The following DOK1 variants were observed in gnomAD, a reference collection of about 807,000 sequenced individuals.
DOK1 encodes the protein Downstream of tyrosine kinase 1.
DOK1 carries 12 observed loss-of-function variants against 24.0 expected under a neutral mutation model. The ratio of observed to expected loss-of-function variants is 0.50; its 90% CI spans 0.32 to 0.81. The LOEUF (loss-of-function observed/expected upper bound fraction) is 0.81, where lower values mean the gene tolerates loss of function less well. Ranked by LOEUF, DOK1 falls within the 30% of genes least tolerant of loss-of-function variation. DOK1 has a pLI of 0.03. For synonymous variants in DOK1, 250 were observed against 260.9 expected (o/e 0.96, Z 0.40); for missense variants, 591 against 620.7 (o/e 0.95, Z 0.51).
chr2:74,550,390 G>A (rs1368845011), upstream of DOK1: 3 of 1,591,362 alleles, frequency 1.9e-6, no homozygotes, highest in Non-Finnish European at 2.6e-6. Context: ...CTTGGGGAGG[G>A]AGGATGGGGG....
chr2:74,554,456 G>C (rs1677247394), upstream of DOK1: 1 of 487,064 alleles, frequency 2.1e-6, no homozygotes. This position sits in a 1 kb window ranked among gnomAD's most constrained non-coding sequence, Gnocchi z 4.9. Flanking sequence ...GGCATATGAC[G>C]TCACGCGCAG....
rs1184815802 is a variant in DOK1 at position 74,557,228 on chromosome 2, G to A, written c.*114G>A. 5 of 1,076,206 alleles carry A rather than the reference G, an allele frequency of 4.6e-6. No individual in the cohort carries two copies. The highest frequency in any genetic ancestry group is 6.6e-6 in the Non-Finnish European group (5 of 761,880). 66.7% of individuals were successfully genotyped at this position (1,076,206 alleles called of 1,614,324 possible). ...GAGGGTGGGAGGGGCCATGCTGTGTGAGACCAGGGGACCAGAGGGATGGGA... is the reference window on the plus strand; with the variant it reads ...GAGGGTGGGAGGGGCCATGCTGTGTAAGACCAGGGGACCAGAGGGATGGGA... On this transcript the variant is annotated 3_prime_UTR_variant, in exon 5 of 5. Coordinates refer to ENST00000233668, the MANE Select transcript of DOK1 (RefSeq NM_001381.5).
Position 74,549,323 on chromosome 2 carries a change from G to C in DOK1, c.-358+151G>C. 1 of 1,513,354 alleles carries C rather than the reference G, an allele frequency of 6.6e-7. No homozygotes were observed. Among genetic ancestry groups the C allele is most frequent in the Non-Finnish European group, 8.9e-7 (1 of 1,125,402 alleles). 93.7% of individuals were successfully genotyped at this position (1,513,354 alleles called of 1,614,324 possible). ...GTCTCCCAAGGCTATTCATCAGGGA[G>C]CACCCCAATCCCGGCCTGCTCCGCC... On this transcript the variant is annotated intron_variant, in intron 1 of 4. Transcript: ENST00000409429. The surrounding 1 kb of genome is among the most constrained non-coding windows in gnomAD (Gnocchi z 5.3).
chr2:74,556,437 A>C lies in DOK1; in HGVS notation c.769A>C (p.Lys257Gln), dbSNP rs768242125. 148 of 1,614,160 alleles carry C rather than the reference A, an allele frequency of 9.2e-5. 1 individual carries two copies. The highest frequency in any genetic ancestry group is 4.5e-5 in the East Asian group (2 of 44,872). ...CATCCACCGGCAGAAGGCCCAGGGA[A>C]AGGCCGGACAGGGGCACGATGTTCT... ...TAIHRQKAQG[K>Q]AGQGHDVLRA... The change falls in exon 5 of 5, where the codon AAG becomes CAG. Residue 257 changes from lysine (K) to glutamine (Q), a missense_variant. By Grantham distance (53) the Lys-to-Gln change is moderately conservative. Coordinates refer to ENST00000233668, the MANE Select transcript of DOK1 (RefSeq NM_001381.5). This position sits in a 1 kb window ranked among gnomAD's most constrained non-coding sequence, Gnocchi z 4.1.
chr2:74,552,291 A>G (rs758841619), upstream of DOK1: 30 of 1,571,108 alleles, frequency 1.9e-5, no homozygotes, highest in Admixed American at 5.0e-4. Context: ...CACATAGGAA[A>G]TATCTAGGAT....
chr2:74,556,647 G>A lies in DOK1; in HGVS notation c.979G>A (p.Gly327Arg). 6.2e-7 allele frequency: 1 copy of A among 1,614,238 alleles called. No individual in the cohort carries two copies. The highest frequency in any genetic ancestry group is 8.5e-7 in the Non-Finnish European group (1 of 1,180,046). The change falls in exon 5 of 5, where the codon GGA (glycine) becomes AGA (arginine). Residue 327 changes from glycine to arginine, a missense_variant. By Grantham distance (125) the Gly-to-Arg change is moderately radical. Coordinates refer to ENST00000233668, the MANE Select transcript of DOK1 (RefSeq NM_001381.5). The surrounding 1 kb of genome is among the most constrained non-coding windows in gnomAD (Gnocchi z 4.1). Reference sequence around the variant, plus strand: ...CTTGGACAGCACGTCTGCTCAGGCAGGAGAGGGAGTACAACGGAAGAAACC... The same window carrying A: ...CTTGGACAGCACGTCTGCTCAGGCAAGAGAGGGAGTACAACGGAAGAAACC... ...DPLDSTSAQAGEGVQRKKPLY... is the reference protein window; with the variant it reads ...DPLDSTSAQAREGVQRKKPLY...
At chr2:74,550,091 A>T, upstream of DOK1, 1 of 1,498,256 alleles carries the variant, frequency 6.7e-7, no homozygotes, top group Non-Finnish European at 8.9e-7. Flanking sequence ...ATGATCCCCC[A>T]GGGGTAACTA....
At chr2:74,553,017 A>C, upstream of DOK1, 1 of 214,254 alleles carries the variant, frequency 4.7e-6, no homozygotes, top group Non-Finnish European at 9.2e-6. Context: ...GAGAGAGAAA[A>C]CCAGAAAGAC....
rs757134101 is a variant in DOK1 at position 74,556,001 on chromosome 2, G to A, written c.562G>A (p.Val188Met). ...VEAERLTLLT[V>M]GAQSQILEPL... is the part of the protein sequence containing the mutation. ...GGCTGAAAGGCTGACTCTCCTGACCGTGGGGGCCCAGAGTCAGATACTGGA... is the reference window on the plus strand; with the variant it reads ...GGCTGAAAGGCTGACTCTCCTGACCATGGGGGCCCAGAGTCAGATACTGGA... Residue 188 changes from valine (V) to methionine (M), a missense_variant, in exon 4 of 5, where the codon GTG becomes ATG. Val to Met is a conservative substitution (Grantham distance 21, BLOSUM62 1). Transcript: ENST00000233668. The surrounding 1 kb of genome is among the most constrained non-coding windows in gnomAD (Gnocchi z 4.1). 6 of 1,613,850 alleles carry A rather than the reference G, an allele frequency of 3.7e-6. No individual in the cohort carries two copies. The South Asian group carries it at 6.6e-5, about 18-fold the overall frequency.
upstream of DOK1, among the ~76,000 whole-genome samples, chr2:74,551,024 C>T (rs1268641031): frequency 6.6e-6 from 1 of 151,966 alleles, no homozygotes; most frequent in Admixed American, 6.6e-5. Context: ...CCTCTGTCTC[C>T]CAGGTTCAAG....
rs777159494 is a variant in DOK1, at chr2:74,554,807, G to A, written c.53G>A (p.Gly18Glu). The A allele has an allele frequency of 1.9e-6, 3 of 1,614,096 alleles. No homozygotes were observed. The South Asian group carries it at 3.3e-5, about 18-fold the overall frequency. The change falls in exon 1 of 5, where the codon GGG (glycine) becomes GAG (glutamate). Residue 18 changes from glycine (G) to glutamate (E), a missense_variant. Physicochemically the swap from Gly to Glu is moderately conservative, Grantham distance 98. Transcript: ENST00000233668. This position sits in a 1 kb window ranked among gnomAD's most constrained non-coding sequence, Gnocchi z 4.9. ...CTTTTTTTGCAGAGTCAGCGCTTTG[G>A]GACCAAGGTAGTCTGGCGCATGGAT... ...GPLFLQSQRF[G>E]TKRWRKTWAV...
chr2:74,556,420 G>A lies in DOK1; in HGVS notation c.752G>A (p.Arg251Gln), dbSNP rs746297310. The change falls in exon 5 of 5, where the codon CGG becomes CAG. Residue 251 changes from arginine to glutamine, a missense_variant. Arg to Gln is a conservative substitution (Grantham distance 43). Coordinates refer to ENST00000233668, the MANE Select transcript of DOK1 (RefSeq NM_001381.5). The surrounding 1 kb of genome is among the most constrained non-coding windows in gnomAD (Gnocchi z 4.1). ...IFQAVETAIH[R>Q]QKAQGKAGQG... ...CAGGCAGTTGAGACTGCCATCCACCGGCAGAAGGCCCAGGGAAAGGCCGGA... is the reference window on the plus strand; with the variant it reads ...CAGGCAGTTGAGACTGCCATCCACCAGCAGAAGGCCCAGGGAAAGGCCGGA... 7.4e-6 allele frequency: 12 copies of A among 1,614,106 alleles called. No homozygotes were observed. The highest frequency in any genetic ancestry group is 6.7e-5 in the Admixed American group (4 of 60,020).
chr2:74,555,815 C>T lies in DOK1; in HGVS notation c.455-79C>T, dbSNP rs1677410326. 5.7e-6 allele frequency: 9 copies of T among 1,583,240 alleles called. No individual in the cohort carries two copies. The South Asian group carries it at 1.0e-4, about 18-fold the overall frequency. ...TGGCTTCCGAGTGAGTGCTTGGACACTATGCTCATGAGTCCTCTGGGTCCC... is the reference window on the plus strand; with the variant it reads ...TGGCTTCCGAGTGAGTGCTTGGACATTATGCTCATGAGTCCTCTGGGTCCC... On this transcript the variant is annotated intron_variant, in intron 3 of 4. Coordinates refer to ENST00000233668, the MANE Select transcript of DOK1 (RefSeq NM_001381.5). The surrounding 1 kb of genome is among the most constrained non-coding windows in gnomAD (Gnocchi z 6.1).
Position 74,555,654 on chromosome 2 carries a change from G to T in DOK1, c.440G>T (p.Ser147Ile), listed in dbSNP as rs759604626. The part of the protein sequence containing the change: ...ALEMLENSLY[S>I]PTWEGSQFWV... ...GAGATGCTGGAGAACTCCTTGTACA[G>T]CCCTACCTGGGAAGGTAGACGCCTC... is the stretch of plus-strand genomic sequence containing the variant. Residue 147 changes from serine to isoleucine, a missense_variant, in exon 3 of 5, where the codon AGC (serine) becomes ATC (isoleucine). Coordinates refer to ENST00000233668, the MANE Select transcript of DOK1 (RefSeq NM_001381.5). The surrounding 1 kb of genome is among the most constrained non-coding windows in gnomAD (Gnocchi z 6.1). 1 of 1,614,052 alleles carries T rather than the reference G, an allele frequency of 6.2e-7. No homozygotes were observed. The highest frequency in any genetic ancestry group is 8.5e-7 in the Non-Finnish European group (1 of 1,179,984).
chr2:74,555,548 C>A lies in DOK1; in HGVS notation c.361-27C>A, dbSNP rs376579870. ...CCCCCGCTCCCCGCTGAGGAAATTA[C>A]GGGTTTCTCGATGCTCTCTACTACA... On this transcript the variant is annotated intron_variant, in intron 2 of 4. Transcript: ENST00000233668. The surrounding 1 kb of genome is among the most constrained non-coding windows in gnomAD (Gnocchi z 6.1). 26 of 1,613,032 alleles carry A rather than the reference C, an allele frequency of 1.6e-5. No homozygotes were observed. The South Asian group carries it at 2.5e-4, about 16-fold the overall frequency.
rs1309065730 is a variant in DOK1, at chr2:74,557,388, G to A, written c.*274G>A. On this transcript the variant is annotated 3_prime_UTR_variant, in exon 5 of 5. Transcript: ENST00000233668. ...AAGGGACGGCTGTGGGACCAGGTCT[G>A]TGGAAAGTGGTGCATGGTCAGAATG... The A allele has an allele frequency of 4.9e-6, 2 of 409,132 alleles. No homozygotes were observed. The highest frequency in any genetic ancestry group is 7.9e-5 in the East Asian group (2 of 25,278). 25.3% of individuals were successfully genotyped at this position (409,132 alleles called of 1,614,324 possible).
rs1677409865 is a variant in DOK1, at chr2:74,555,809, TGGACACTATGCTC to T, written c.455-84_455-72del. On this transcript the variant is annotated intron_variant, in intron 3 of 4. Coordinates refer to ENST00000233668, the MANE Select transcript of DOK1 (RefSeq NM_001381.5). This position sits in a 1 kb window ranked among gnomAD's most constrained non-coding sequence, Gnocchi z 6.1. ...GAGATCTGGCTTCCGAGTGAGTGCT[TGGACACTATGCTC>T]ATGAGTCCTCTGGGTCCCCACTGCT... The T allele has an allele frequency of 6.3e-7, 1 of 1,583,894 alleles. No individual in the cohort carries two copies. The highest frequency in any genetic ancestry group is 1.1e-5 in the South Asian group (1 of 87,024).
upstream of DOK1, chr2:74,552,465 C>T (rs779522901): frequency 8.7e-6 from 14 of 1,613,644 alleles, no homozygotes; most frequent in Non-Finnish European, 7.6e-6. Context: ...TATCTCCACG[C>T]GGCCCTCGTA....
upstream of DOK1, chr2:74,552,925 T>C (rs1051436704): frequency 1.0e-5 from 4 of 386,220 alleles, no homozygotes; most frequent in Non-Finnish European, 1.9e-5. Flanking sequence ...TAAAAAGAGA[T>C]AGAGACTGAG....
Sources: gnomAD v4.1 joint callset for allele counts (sites outside exome capture counted in the v4.1 genomes callset) on GRCh38, gnomAD v4.1.1 for gene constraint, Gnocchi (gnomAD v3.1) non-coding constraint, MANE v1.5 for transcripts, NCBI Gene and HGNC (gene_info 2026-07-23, HGNC 2026-07-21) for gene names.